The following PLEKHA8 variants were observed in gnomAD, a reference collection of about 807,000 sequenced individuals.
PLEKHA8 encodes pleckstrin homology domain containing A8, also known as pleckstrin homology domain-containing family A member 8.
A neutral mutation model predicts 68.2 loss-of-function variants in PLEKHA8; 36 were observed. The observed-to-expected ratio is 0.53, with a 90% confidence interval of 0.40 to 0.70. The LOEUF is 0.70. Among genes scored for constraint, PLEKHA8 ranks in the 30% least tolerant of loss-of-function variants. PLEKHA8 has a pLI of 0.00. For synonymous variants in PLEKHA8, 211 were observed against 216.1 expected (o/e 0.98, Z 0.20); for missense variants, 505 against 615.4 (o/e 0.82, Z 1.90).
intron 1 of PLEKHA8, among the ~76,000 whole-genome samples, chr7:30,034,050 A>T (rs2127958878): frequency 1.2e-5 from 1 of 84,292 alleles, no homozygotes. Flanking sequence ...TTTGAGACAG[A>T]GTCTTACTCT....
chr7:30,116,231 C>T (rs1038444356), intron 13 of PLEKHA8, among the ~76,000 whole-genome samples: 2 of 147,942 alleles, frequency 1.4e-5, no homozygotes, highest in East Asian at 2.0e-4. Context: ...TATACGTATA[C>T]ATGTATGCGT....
chr7:30,113,302 C>CT (rs56866396), intron 13 of PLEKHA8, among the ~76,000 whole-genome samples: 21,823 of 152,160 alleles, frequency 0.14, 1,593 homozygotes, highest in Middle Eastern at 0.18. Context: ...CTAAAAATGT[C>CT]TTTTTTCTGC....
intron 13 of PLEKHA8, chr7:30,117,929 T>TA (rs1796619106): frequency 2.2e-6 from 3 of 1,391,694 alleles, no homozygotes; most frequent in Non-Finnish European, 2.9e-6. Flanking sequence ...TTTTATTTTT[T>TA]AAAAAATTTA....
chr7:30,062,245 C>G (rs191997507), intron 11 of PLEKHA8, among the ~76,000 whole-genome samples: 2 of 151,986 alleles, frequency 1.3e-5, no homozygotes, highest in Non-Finnish European at 2.9e-5. Flanking sequence ...AGATAGGAAT[C>G]TTAAAGGCAT....
At position 30,078,879 on chromosome 7, in the gene PLEKHA8, C is replaced by T. The variant is rs2127999182; in HGVS notation, c.*92C>T. 6.7e-7 allele frequency: 1 copy of T among 1,483,974 alleles called. No homozygotes were observed. 91.9% of individuals were successfully genotyped at this position (1,483,974 alleles called of 1,614,324 possible). A position where few individuals can be genotyped will look rare whatever the true frequency, so the allele number is the denominator to read the frequency against. ...TTTCCAGCAACAGCCTCAACCCTCT[C>T]CAACCCCTTCACCTGGGGGGATGGA... On this transcript the variant is annotated 3_prime_UTR_variant, in exon 14 of 14. Coordinates refer to ENST00000449726, the MANE Select transcript of PLEKHA8 (RefSeq NM_001197026.2).
chr7:30,042,784 T>C (rs1012643578), intron 1 of PLEKHA8, among the ~76,000 whole-genome samples: 1 of 152,244 alleles, frequency 6.6e-6, no homozygotes, highest in Non-Finnish European at 1.5e-5. Context: ...TTGACTCTTC[T>C]GTTTCAGTGA....
chr7:30,129,056 T>C (rs2128026869), intron 13 of PLEKHA8, among the ~76,000 whole-genome samples: 1 of 152,308 alleles, frequency 6.6e-6, no homozygotes, highest in South Asian at 2.1e-4. Flanking sequence ...AACACGAGGC[T>C]TGGAGGGTCA....
chr7:30,061,113 C>A (rs1417333958), intron 10 of PLEKHA8, among the ~76,000 whole-genome samples, 171 bp downstream of exon 10: 1 of 152,018 alleles, frequency 6.6e-6, no homozygotes, highest in Non-Finnish European at 1.5e-5. Flanking sequence ...AATTACTAAG[C>A]CTTTATTATA....
At chr7:30,074,211 A>C (rs1583434803) in intron 13 of PLEKHA8, 79 bp downstream of exon 13, 1 of 1,290,900 alleles carries the variant, frequency 7.7e-7, no homozygotes, top group South Asian at 1.2e-5. Flanking sequence ...CTTCTTACCC[A>C]GTTATTTATC....
In PLEKHA8 at chr7:30,046,269, C is replaced by G; in HGVS notation, c.217C>G (p.Leu73Val). The G allele has an allele frequency of 6.2e-7, 1 of 1,613,888 alleles. No individual in the cohort carries two copies. Among genetic ancestry groups the G allele is most frequent in the South Asian group, 1.1e-5 (1 of 91,048 alleles). ...AATCCCTGGGGAACAGTATTTCTAC[C>G]TGAAGGCCAGAAGTGTGGCTGAAAG... ...LIIPGEQYFY[L>V]KARSVAERQR... is the part of the protein sequence containing the mutation. The change falls in exon 3 of 14, where the codon CTG becomes GTG. Residue 73 changes from leucine to valine, a missense_variant. Coordinates refer to ENST00000449726, the MANE Select transcript of PLEKHA8 (RefSeq NM_001197026.2).
intron 13 of PLEKHA8, among the ~76,000 whole-genome samples, chr7:30,121,348 G>T (rs1049683335): frequency 1.3e-5 from 2 of 152,130 alleles, no homozygotes; most frequent in Admixed American, 6.5e-5. Context: ...CAGTTTATTG[G>T]CTGGGCACAG....
intron 12 of PLEKHA8, among the ~76,000 whole-genome samples, chr7:30,065,503 C>T (rs1479495239): frequency 2.1e-5 from 3 of 143,394 alleles, no homozygotes; most frequent in African/African-American, 7.7e-5. Flanking sequence ...TTACTCAGAA[C>T]CTGTAGGCTC....
chr7:30,061,797 T>G, intron 10 of PLEKHA8, 100 bp from the exon 11 acceptor site: 1 of 1,330,898 alleles, frequency 7.5e-7, no homozygotes. Context: ...TTTATTTTCT[T>G]AGAGGCCTGC....
At chr7:30,115,843 C>T (rs1562558042) in intron 13 of PLEKHA8, 1 of 149,326 alleles carries the variant, frequency 6.7e-6, no homozygotes, top group African/African-American at 2.5e-5. Context: ...TACATGTATA[C>T]ACGTATGCAT....
At chr7:30,056,554 C>T (rs757491743) in intron 9 of PLEKHA8, among the ~76,000 whole-genome samples, 2 of 147,764 alleles carry the variant, frequency 1.4e-5, no homozygotes, top group African/African-American at 4.9e-5. Flanking sequence ...CATGGTAAAA[C>T]CCCGTCTCTA....
At chr7:30,059,840 T>TAATG (rs35945777) in intron 9 of PLEKHA8, among the ~76,000 whole-genome samples, 25,446 of 152,188 alleles carry the variant, frequency 0.17, 2,151 homozygotes, top group Middle Eastern at 0.22. Flanking sequence ...TTAATTTTAA[T>TAATG]TATTTTAAAA....
At chr7:30,086,696 C>A (rs1440785098), downstream of PLEKHA8, among the ~76,000 whole-genome samples, 1 of 152,206 alleles carries the variant, frequency 6.6e-6, no homozygotes, top group African/African-American at 2.4e-5. Context: ...CCTGGAAGAT[C>A]TGTGCTCATC....
chr7:30,068,445 A>G (rs561665289), intron 12 of PLEKHA8, among the ~76,000 whole-genome samples: 117 of 152,244 alleles, frequency 7.7e-4, no homozygotes, highest in Middle Eastern at 3.4e-3. Flanking sequence ...AATATTGCCA[A>G]AGTTTTTGTT....
intron 13 of PLEKHA8, among the ~76,000 whole-genome samples, chr7:30,113,882 G>C (rs749325403): frequency 2.5e-4 from 37 of 147,534 alleles, no homozygotes; most frequent in Non-Finnish European, 4.5e-4. Context: ...ATTCTAATTT[G>C]TTTCTGTTCA....
Sources: allele counts gnomAD v4.1 joint callset (sites outside exome capture counted in the v4.1 genomes callset), GRCh38; gene constraint gnomAD v4.1.1; transcripts MANE v1.5; gene names NCBI Gene and HGNC (gene_info 2026-07-23, HGNC 2026-07-21).